SNX1: variants seen among roughly 807,000 people sequenced by gnomAD.
SNX1 encodes sorting nexin 1, also known as sorting nexin-1.
SNX1 carries 36 observed loss-of-function variants against 71.8 expected under a neutral mutation model. The ratio of observed to expected loss-of-function variants is 0.50; its 90% CI spans 0.38 to 0.66. The LOEUF is 0.66. Among genes scored for constraint, SNX1 ranks in the 30% least tolerant of loss-of-function variants. SNX1 has a pLI of 0.00. For missense variants in SNX1, 612 were observed against 646.7 expected (o/e 0.95, Z 0.58); for synonymous variants, 254 against 240.7 (o/e 1.06, Z -0.51).
At chr15:64,096,307 G>A in intron 1 of SNX1, 135 bp downstream of exon 1, 2 of 1,050,824 alleles carry the variant, frequency 1.9e-6, no homozygotes, top group Non-Finnish European at 2.7e-6. Flanking sequence ...GGGCCCCGGG[G>A]ACCCTGGATG....
intron 6 of SNX1, among the ~76,000 whole-genome samples, chr15:64,126,496 G>A (rs1191747271): frequency 1.3e-5 from 2 of 152,178 alleles, no homozygotes; most frequent in Non-Finnish European, 1.5e-5. Context: ...GTTGCCTCCA[G>A]ATTGAAATAG....
At chr15:64,109,450 A>G (rs879724366) in intron 1 of SNX1, among the ~76,000 whole-genome samples, 2 of 152,212 alleles carry the variant, frequency 1.3e-5, no homozygotes, top group Non-Finnish European at 2.9e-5. Context: ...TGACCAGCAA[A>G]TGAATGGAAA....
chr15:64,100,626 A>AAAG (rs1567315000), intron 1 of SNX1, among the ~76,000 whole-genome samples: 7 of 142,890 alleles, frequency 4.9e-5, no homozygotes, highest in African/African-American at 1.7e-4. Context: ...AAAAAAAAAA[A>AAAG]GAGACTCAAA....
Position 64,138,726 on chromosome 15 carries a change from G to A in SNX1, c.*1108G>A, listed in dbSNP as rs1465738897. 6.5e-6 allele frequency: 1 copy of A among 152,912 alleles called. No homozygotes were observed. The highest frequency in any genetic ancestry group is 2.4e-5 in the African/African-American group (1 of 41,452). 9.5% of individuals were successfully genotyped at this position (152,912 alleles called of 1,614,324 possible). ...CTGCCGGTCTAGCCAGGGGAGGCCA[G>A]AGTCTCGTCAGTCAAGGATGGGCTT... On this transcript the variant is annotated 3_prime_UTR_variant, in exon 15 of 15. Coordinates refer to ENST00000559844, the MANE Select transcript of SNX1 (RefSeq NM_003099.5).
rs765330212 is a variant in SNX1 at position 64,126,214 on chromosome 15, C to G, written c.646C>G (p.Leu216Val). ...FIVPPPPEKS[L>V]IGMTKVKVGK... ...TGTCCCTCCGCCCCCGGAGAAGAGC[C>G]TCATAGGTAAGCCTGTGGTCTTTCA... The change falls in exon 6 of 15, where the codon CTC becomes GTC. Residue 216 changes from leucine to valine, a missense_variant. Physicochemically the swap from Leu to Val is conservative, Grantham distance 32. Around this residue, in one of 2 missense-constraint regions of SNX1, gnomAD observed 316 missense variants for 284.9 expected, o/e 1.11. Coordinates refer to ENST00000559844, the MANE Select transcript of SNX1 (RefSeq NM_003099.5). 5.0e-6 allele frequency: 8 copies of G among 1,613,478 alleles called. No individual in the cohort carries two copies. Among genetic ancestry groups the G allele is most frequent in the Non-Finnish European group, 6.8e-6 (8 of 1,179,866 alleles).
intron 4 of SNX1, among the ~76,000 whole-genome samples, chr15:64,120,445 T>G (rs2081185670): frequency 6.6e-6 from 1 of 151,878 alleles, no homozygotes; most frequent in African/African-American, 2.4e-5. Context: ...GCTAATTTTT[T>G]TATATTTTTT....
At chr15:64,133,462 G>C (rs2081327129) in intron 11 of SNX1, among the ~76,000 whole-genome samples, 1 of 152,212 alleles carries the variant, frequency 6.6e-6, no homozygotes, top group Non-Finnish European at 1.5e-5. Context: ...GGGCGTGGTG[G>C]CTCACGCCTG....
At position 64,100,801 on chromosome 15, in the gene SNX1, TTTTA is replaced by T. The variant is rs1427017356; in HGVS notation, c.159+4633_159+4636del. Among the ~76,000 whole-genome samples the T allele has an allele frequency of 4.6e-5, 7 of 151,298 alleles. No individual in the cohort carries two copies. In the South Asian group the frequency reaches 1.3e-3, roughly 27 times the overall value. On this transcript the variant is annotated intron_variant, in intron 1 of 14. Transcript: ENST00000559844. ...CATCTTGCGAGAGAAGGCAAAAGCT[TTTTA>T]TTTGTTTGTTGATAAATAAATACAA...
Position 64,118,104 on chromosome 15 carries a change from A to G in SNX1, c.272-13A>G, listed in dbSNP as rs1198871871. 2.5e-6 allele frequency: 4 copies of G among 1,609,798 alleles called. No individual in the cohort carries two copies. The highest frequency in any genetic ancestry group is 3.4e-6 in the Non-Finnish European group (4 of 1,178,776). On this transcript the variant is annotated splice_polypyrimidine_tract_variant and intron_variant, in intron 2 of 14. Coordinates refer to ENST00000559844, the MANE Select transcript of SNX1 (RefSeq NM_003099.5). ...TTACTGACCTTCATTTTAAAATATC[A>G]ACTTCATTTTAGATGCCACAGTGGA...
rs550844735 is a variant in SNX1, at chr15:64,121,995, T to A, written c.467-1508T>A. 2.6e-5 allele frequency among the ~76,000 whole-genome samples: 4 copies of A among 152,362 alleles called. No homozygotes were observed. The East Asian group carries it at 7.7e-4, about 29-fold the overall frequency. On this transcript the variant is annotated intron_variant, in intron 4 of 14. Coordinates refer to ENST00000559844, the MANE Select transcript of SNX1 (RefSeq NM_003099.5). ...TCTGAAATTATTCTGGAAATTTACGTAAATTTAAAACCTTGTATTACTAGC... is the reference window on the plus strand; with the variant it reads ...TCTGAAATTATTCTGGAAATTTACGAAAATTTAAAACCTTGTATTACTAGC...
rs780862003 is a variant in SNX1, at chr15:64,118,260, C to G, written c.399+16C>G. On this transcript the variant is annotated intron_variant, in intron 3 of 14. Transcript: ENST00000559844. ...CTATGAGGAGGTGAGGATCTGTGCT[C>G]TTGGTCTTATCGCTTTTAGATATTG... 74 of 1,603,284 alleles carry G rather than the reference C, an allele frequency of 4.6e-5. No homozygotes were observed. Among genetic ancestry groups the G allele is most frequent in the Middle Eastern group, 1.7e-4 (1 of 6,018 alleles).
At chr15:64,135,757 C>CAAAAAAA (rs573541153) in intron 12 of SNX1, among the ~76,000 whole-genome samples, 4 of 108,624 alleles carry the variant, frequency 3.7e-5, no homozygotes, top group African/African-American at 1.6e-4. Flanking sequence ...GACTCTGTCT[C>CAAAAAAA]AAAAAAAAAA....
At chr15:64,137,457 G>A in intron 14 of SNX1, 111 bp from the exon 15 acceptor site, 1 of 1,182,656 alleles carries the variant, frequency 8.5e-7, no homozygotes, top group Non-Finnish European at 1.2e-6. Context: ...GCCTGCCTTT[G>A]TGTGGCAGGC....
Position 64,131,868 on chromosome 15 carries a change from C to T in SNX1, c.1197C>T (p.Tyr399=), listed in dbSNP as rs930208448. Residue 399 remains tyrosine, a synonymous_variant, in exon 11 of 15, where the codon TAC becomes TAT. Transcript: ENST00000559844. ...TCCTTGCTGAGCTCCTGAGTGACTA[C>T]ATTCGCCTCCTGGCCATAGTCCGCG... ...FFLLAELLSD[Y]IRLLAIVRAA... 1.9e-6 allele frequency: 3 copies of T among 1,614,248 alleles called. No homozygotes were observed. Among genetic ancestry groups the T allele is most frequent in the Non-Finnish European group, 2.5e-6 (3 of 1,180,036 alleles).
intron 5 of SNX1, among the ~76,000 whole-genome samples, chr15:64,125,464 CAAAA>C (rs56350009): frequency 6.5e-5 from 3 of 45,872 alleles, no homozygotes; most frequent in Non-Finnish European, 9.9e-5. Context: ...GACTCCATCT[CAAAA>C]AAAAAAAAAA....
intron 2 of SNX1, among the ~76,000 whole-genome samples, chr15:64,114,103 T>C (rs972015854): frequency 6.6e-6 from 1 of 152,202 alleles, no homozygotes; most frequent in South Asian, 2.1e-4. Flanking sequence ...TTAAAAGCCA[T>C]TGGCAGCTTT....
At chr15:64,127,622 T>C in intron 7 of SNX1, 109 bp from the exon 8 acceptor site, 1 of 771,726 alleles carries the variant, frequency 1.3e-6, no homozygotes, top group Non-Finnish European at 2.2e-6. Context: ...CTTAGGGTAC[T>C]TTAAGTACAA....
intron 13 of SNX1, 31 bp downstream of exon 13, chr15:64,136,441 C>T (rs375834998): frequency 1.4e-4 from 214 of 1,562,350 alleles, no homozygotes; most frequent in Non-Finnish European, 1.8e-4. Flanking sequence ...TCTCACTTAG[C>T]ATGCAGTGCT....
chr15:64,128,421 T>C (rs1360812830), intron 8 of SNX1, among the ~76,000 whole-genome samples: 2 of 152,190 alleles, frequency 1.3e-5, no homozygotes, highest in East Asian at 1.9e-4. Context: ...TGTAGAAACA[T>C]GTAAGTCATT....
Sources: gnomAD v4.1 joint callset for allele counts (sites outside exome capture counted in the v4.1 genomes callset) on GRCh38, gnomAD v4.1.1 for gene constraint, gnomAD v4.1.1 regional missense constraint, MANE v1.5 for transcripts, NCBI Gene and HGNC (gene_info 2026-07-23, HGNC 2026-07-21) for gene names.